Variants in PCDHGA2 observed in about 807,000 individuals in gnomAD.
PCDHGA2 encodes protocadherin gamma subfamily A, 2, also known as protocadherin gamma-A2.
PCDHGA2 carries 40 observed loss-of-function variants against 59.2 expected under a neutral mutation model. The observed-to-expected ratio is 0.68, with a 90% CI of 0.52 to 0.88. PCDHGA2 has a LOEUF of 0.88. PCDHGA2 is among the 40% of genes least tolerant of loss of function. The pLI, the probability that PCDHGA2 is intolerant of heterozygous loss-of-function variation, is 0.00. For synonymous variants in PCDHGA2, 560 were observed against 526.0 expected, an observed-to-expected ratio of 1.06 and a Z score of -0.89; for missense variants, 1,226 against 1,204.0, an observed-to-expected ratio of 1.02 and a Z score of -0.27.
intron 1 of PCDHGA2, among the ~76,000 whole-genome samples, chr5:141,471,744 A>G (rs2099263733): frequency 6.6e-6 from 1 of 152,208 alleles, no homozygotes; most frequent in South Asian, 2.1e-4. Context: ...GAGACATAAC[A>G]TATTTGAGGG....
chr5:141,360,055 G>A, intron 1 of PCDHGA2: 1 of 1,446,612 alleles, frequency 6.9e-7, no homozygotes, highest in Non-Finnish European at 9.1e-7. Context: ...ACAAAAGCAG[G>A]AAAAGTGACC....
intron 2 of PCDHGA2, among the ~76,000 whole-genome samples, chr5:141,504,870 AG>A (rs1453764331): frequency 6.6e-6 from 1 of 151,996 alleles, no homozygotes; most frequent in Non-Finnish European, 1.5e-5. Context: ...CCACCTTCAC[AG>A]TCCTCTGGAG....
intron 1 of PCDHGA2, chr5:141,395,711 G>A (rs2093302364): frequency 1.3e-5 from 2 of 154,440 alleles, no homozygotes; most frequent in African/African-American, 4.8e-5. Context: ...CCTGTAACTA[G>A]GCTCTTGTAG....
intron 1 of PCDHGA2, chr5:141,373,906 A>T: frequency 1.7e-6 from 1 of 604,222 alleles, no homozygotes; most frequent in South Asian, 4.3e-5. Context: ...ACATCCTCCA[A>T]CAACAAAGCA....
chr5:141,492,005 C>T (rs1444993907), intron 1 of PCDHGA2: 2 of 642,268 alleles, frequency 3.1e-6, no homozygotes, highest in Admixed American at 7.4e-5. Flanking sequence ...GGGCGATTTC[C>T]GCGGGTGTCG....
rs368791778 is a variant in PCDHGA2, at chr5:141,409,216, T to C, written c.2424+67821T>C. The C allele has an allele frequency of 4.3e-6, 7 of 1,613,886 alleles. No homozygotes were observed. The African/African-American group carries it at 9.3e-5, about 22-fold the overall frequency. On this transcript the variant is annotated intron_variant, in intron 1 of 3. Coordinates refer to ENST00000394576, the MANE Select transcript of PCDHGA2 (RefSeq NM_018915.4). ...AGTGTAAAGTAATCATAGAAATCCT[T>C]GATGAAAACGACAACAGCCCAGAAA...
At chr5:141,453,379 C>T (rs980792532) in intron 1 of PCDHGA2, among the ~76,000 whole-genome samples, 1 of 152,050 alleles carries the variant, frequency 6.6e-6, no homozygotes, top group Non-Finnish European at 1.5e-5. Context: ...AGTGATCCTC[C>T]TGCCTTAGCC....
rs2099396190 is a variant in PCDHGA2 at position 141,476,685 on chromosome 5, G to A, written c.2425-18122G>A. On this transcript the variant is annotated intron_variant, in intron 1 of 3. Coordinates refer to ENST00000394576, the MANE Select transcript of PCDHGA2 (RefSeq NM_018915.4). This position sits in a 1 kb window ranked among gnomAD's most constrained non-coding sequence, Gnocchi z 7.6. ...CTTCGCGTGCAGACGCGGGAGGACA[G>A]CACCAAGTACGCGGAGCTGGTGTTG... 3.1e-6 allele frequency: 5 copies of A among 1,614,102 alleles called. No homozygotes were observed.
chr5:141,401,819 G>A (rs2094196222), intron 1 of PCDHGA2, among the ~76,000 whole-genome samples: 3 of 152,280 alleles, frequency 2.0e-5, no homozygotes, highest in Middle Eastern at 3.4e-3. Flanking sequence ...TCCTTACAAA[G>A]TGCTGAGATT....
intron 1 of PCDHGA2, among the ~76,000 whole-genome samples, chr5:141,354,833 G>T (rs1281888392): frequency 1.3e-5 from 2 of 152,148 alleles, no homozygotes. Flanking sequence ...GGAAGACTTG[G>T]ATCATTCTTG....
intron 1 of PCDHGA2, among the ~76,000 whole-genome samples, chr5:141,469,882 G>A (rs760102003): frequency 2.6e-5 from 4 of 152,280 alleles, no homozygotes; most frequent in Non-Finnish European, 4.4e-5. Context: ...TGTAATCTCG[G>A]CACTTTGGGA....
At chr5:141,395,216 G>T in intron 1 of PCDHGA2, 1 of 1,612,150 alleles carries the variant, frequency 6.2e-7, no homozygotes, top group Non-Finnish European at 8.5e-7. Context: ...ATGAATATAA[G>T]AATGAAGCTG....
At chr5:141,398,643 C>T (rs746159571) in intron 1 of PCDHGA2, 1 of 1,614,024 alleles carries the variant, frequency 6.2e-7, no homozygotes, top group Admixed American at 1.7e-5. Context: ...AGTATAAACT[C>T]TCTCTTAACC....
Position 141,432,123 on chromosome 5 carries a change from C to G in PCDHGA2, c.2425-62684C>G, listed in dbSNP as rs1224794803. On this transcript the variant is annotated intron_variant, in intron 1 of 3. Transcript: ENST00000394576. This position sits in a 1 kb window ranked among gnomAD's most constrained non-coding sequence, Gnocchi z 6.0. ...GACAACCCGCCGGTCTTCCCTCAGG[C>G]CTCCTATTCCGCTTATATCCCAGAG... 1 of 1,614,172 alleles carries G rather than the reference C, an allele frequency of 6.2e-7. No homozygotes were observed. Among genetic ancestry groups the G allele is most frequent in the Admixed American group, 1.7e-5 (1 of 60,022 alleles).
At position 141,420,439 on chromosome 5, in the gene PCDHGA2, C is replaced by T. The variant is rs2096496531; in HGVS notation, c.2425-74368C>T. ...TTAAAACAAAAGTTTAAATTAAATGCCTCAGTCTTCCTACTATTCAAAGAC... is the reference window on the plus strand; with the variant it reads ...TTAAAACAAAAGTTTAAATTAAATGTCTCAGTCTTCCTACTATTCAAAGAC... On this transcript the variant is annotated intron_variant, in intron 1 of 3. Coordinates refer to ENST00000394576, the MANE Select transcript of PCDHGA2 (RefSeq NM_018915.4). 10 of 1,073,160 alleles carry T rather than the reference C, an allele frequency of 9.3e-6. No individual in the cohort carries two copies. In the South Asian group the frequency reaches 2.0e-4, roughly 22 times the overall value. The allele number at this position is 1,073,160 out of a possible 1,614,324, so 66.5% of individuals were successfully genotyped here.
At chr5:141,360,839 C>T (rs1337655560) in intron 1 of PCDHGA2, 3 of 1,613,822 alleles carry the variant, frequency 1.9e-6, no homozygotes, top group African/African-American at 1.3e-5. Flanking sequence ...GTCACGGATG[C>T]CAACGATAAC....
At chr5:141,423,147 G>A (rs545052756) in intron 1 of PCDHGA2, 4 of 1,613,578 alleles carry the variant, frequency 2.5e-6, no homozygotes, top group African/African-American at 2.7e-5. Context: ...ACGCGCTCAA[G>A]CAGAGCCTCG....
chr5:141,339,292 C>G lies in PCDHGA2; in HGVS notation c.321C>G (p.Asn107Lys). 6.2e-7 allele frequency: 1 copy of G among 1,614,266 alleles called. No homozygotes were observed. Among genetic ancestry groups the G allele is most frequent in the Non-Finnish European group, 8.5e-7 (1 of 1,180,044 alleles). Residue 107 changes from asparagine (N) to lysine (K), a missense_variant, in exon 1 of 4, where the codon AAC (asparagine) becomes AAG (lysine). By Grantham distance (94) the Asn-to-Lys change is moderately conservative (BLOSUM62 0). Coordinates refer to ENST00000394576, the MANE Select transcript of PCDHGA2 (RefSeq NM_018915.4). ...AQSAPCLLNF[N>K]ILLEDKLTIY... is the part of the protein sequence containing the mutation. ...GCGCACCCTGTCTGTTGAATTTTAA[C>G]ATTCTGCTGGAGGATAAATTGACTA... is the stretch of plus-strand genomic sequence containing the variant.
intron 1 of PCDHGA2, among the ~76,000 whole-genome samples, chr5:141,481,065 A>AAAAG (rs1476331686): frequency 6.6e-6 from 1 of 152,164 alleles, no homozygotes; most frequent in African/African-American, 2.4e-5. Context: ...CTCAAAAACA[A>AAAAG]AAAGAAAGAA....
Sources: allele counts gnomAD v4.1 joint callset (sites outside exome capture counted in the v4.1 genomes callset), GRCh38; gene constraint gnomAD v4.1.1; non-coding constraint Gnocchi (gnomAD v3.1); transcripts MANE v1.5; gene names NCBI Gene and HGNC (gene_info 2026-07-23, HGNC 2026-07-21).